The following ADK variants were observed in gnomAD, a reference collection of about 807,000 sequenced individuals.
ADK encodes N6,N6-dimethyladenosine kinase.
In ADK, 24 loss-of-function variants were observed where a neutral mutation model predicts 44.7. The observed-to-expected ratio is 0.54, with a 90% CI of 0.39 to 0.76. The LOEUF is 0.76. ADK is among the 30% of genes least tolerant of loss of function. ADK has a pLI of 0.00. For missense variants in ADK, 321 were observed against 425.1 expected (o/e 0.76, Z 2.15); for synonymous variants, 128 against 142.6 (o/e 0.90, Z 0.73).
intron 9 of ADK, among the ~76,000 whole-genome samples, chr10:74,631,617 C>T (rs1447514676): frequency 1.3e-5 from 2 of 152,014 alleles, no homozygotes; most frequent in Non-Finnish European, 2.9e-5. Flanking sequence ...AATCCAATAC[C>T]ACAGAGTTCA....
intron 4 of ADK, among the ~76,000 whole-genome samples, chr10:74,321,059 T>C (rs1840791044): frequency 6.6e-6 from 1 of 152,154 alleles, no homozygotes; most frequent in Non-Finnish European, 1.5e-5. Context: ...CTTCGTGAGG[T>C]ATTTCTATTT....
chr10:74,659,040 G>A (rs534115807), intron 9 of ADK, among the ~76,000 whole-genome samples: 5 of 151,802 alleles, frequency 3.3e-5, no homozygotes, highest in Admixed American at 6.6e-5. Flanking sequence ...ACATAGGGAG[G>A]CCCATCTCTA....
At chr10:74,556,809 G>A (rs747704451) in intron 7 of ADK, among the ~76,000 whole-genome samples, 2 of 152,164 alleles carry the variant, frequency 1.3e-5, no homozygotes, top group Admixed American at 1.3e-4. Flanking sequence ...TGGTTATATA[G>A]CAGTTTATCT....
intron 4 of ADK, among the ~76,000 whole-genome samples, chr10:74,358,472 T>C (rs188329526): frequency 1.1e-3 from 166 of 152,326 alleles, no homozygotes; most frequent in African/African-American, 3.9e-3. Context: ...GTGAAGAAGT[T>C]TGTGACCAAA....
intron 4 of ADK, among the ~76,000 whole-genome samples, chr10:74,376,728 T>C (rs764823999): frequency 6.6e-6 from 1 of 151,972 alleles, no homozygotes; most frequent in Non-Finnish European, 1.5e-5. Context: ...ATTCAAACAC[T>C]ATATTTGTAC....
chr10:74,303,963 C>T (rs1284640731), intron 3 of ADK, among the ~76,000 whole-genome samples: 2 of 99,506 alleles, frequency 2.0e-5, no homozygotes, highest in African/African-American at 6.4e-5. Flanking sequence ...GAGTGAAACT[C>T]TTGTCTCAAA....
At chr10:74,587,399 T>C (rs1190802127) in intron 7 of ADK, among the ~76,000 whole-genome samples, 2 of 152,252 alleles carry the variant, frequency 1.3e-5, no homozygotes, top group Non-Finnish European at 2.9e-5. Flanking sequence ...TAAGGAGTTG[T>C]ACTTTCAACT....
At chr10:74,386,914 C>G (rs941586601) in intron 4 of ADK, among the ~76,000 whole-genome samples, 1 of 151,546 alleles carries the variant, frequency 6.6e-6, no homozygotes, top group Non-Finnish European at 1.5e-5. Flanking sequence ...TCAGACACAG[C>G]ATGAACCACT....
chr10:74,543,011 C>T (rs1268522579), intron 7 of ADK, among the ~76,000 whole-genome samples: 1 of 151,906 alleles, frequency 6.6e-6, no homozygotes, highest in East Asian at 1.9e-4. Context: ...AGGGATTCTC[C>T]TGCCTCAGCC....
At chr10:74,228,670 A>G (rs936877958) in intron 3 of ADK, among the ~76,000 whole-genome samples, 1 of 152,210 alleles carries the variant, frequency 6.6e-6, no homozygotes, top group African/African-American at 2.4e-5. Context: ...ATCTTTGGAC[A>G]CATCTGCAGT....
chr10:74,300,580 T>C (rs1017226797), intron 3 of ADK, among the ~76,000 whole-genome samples: 4 of 152,068 alleles, frequency 2.6e-5, no homozygotes, highest in Admixed American at 6.6e-5. Context: ...GATTTCACCA[T>C]GTTGACCAGC....
At chr10:74,199,292 T>C (rs1843283682) in intron 1 of ADK, among the ~76,000 whole-genome samples, 1 of 152,190 alleles carries the variant, frequency 6.6e-6, no homozygotes, top group Non-Finnish European at 1.5e-5. Flanking sequence ...ATCGTCTAAG[T>C]AGTGAACATA....
In ADK at chr10:74,658,692, G is replaced by T. The variant is rs185615293; in HGVS notation, c.878-11491G>T. 7.9e-5 allele frequency among the ~76,000 whole-genome samples: 12 copies of T among 152,136 alleles called. No individual in the cohort carries two copies. In the East Asian group the frequency reaches 2.3e-3, roughly 29 times the overall value. On this transcript the variant is annotated intron_variant, in intron 9 of 10. Coordinates refer to ENST00000539909, the MANE Select transcript of ADK (RefSeq NM_006721.4). The stretch of plus-strand genomic sequence containing the variant: ...GATTCTCCTGTCTCAGCCTCCCAAG[G>T]CTCTGGGATTACAGGCATAAATCAC...
chr10:74,255,268 A>C (rs1246913872), intron 3 of ADK, among the ~76,000 whole-genome samples: 1 of 152,146 alleles, frequency 6.6e-6, no homozygotes, highest in Non-Finnish European at 1.5e-5. Flanking sequence ...TTAATCCCCA[A>C]ATCACCAGTG....
intron 3 of ADK, among the ~76,000 whole-genome samples, chr10:74,262,108 C>G (rs1335927226): frequency 6.6e-6 from 1 of 151,978 alleles, no homozygotes; most frequent in Non-Finnish European, 1.5e-5. Flanking sequence ...CACCTGAGGT[C>G]AGGAGTTCAA....
intron 3 of ADK, among the ~76,000 whole-genome samples, chr10:74,303,447 G>A (rs962440858): frequency 6.6e-6 from 1 of 151,988 alleles, no homozygotes; most frequent in African/African-American, 2.4e-5. Flanking sequence ...TTAATATGGA[G>A]CTCTTAAAAA....
chr10:74,399,718 G>T (rs1843644781), intron 6 of ADK, among the ~76,000 whole-genome samples: 1 of 151,736 alleles, frequency 6.6e-6, no homozygotes, highest in Non-Finnish European at 1.5e-5. Context: ...CTTTAGAGGG[G>T]ATTTATGTAC....
intron 4 of ADK, among the ~76,000 whole-genome samples, chr10:74,351,714 G>A (rs1841969435): frequency 1.3e-5 from 2 of 152,168 alleles, no homozygotes; most frequent in South Asian, 4.1e-4. Flanking sequence ...AGCAGCTTCA[G>A]CAGTCTCAGG....
intron 4 of ADK, among the ~76,000 whole-genome samples, chr10:74,392,067 A>G (rs1485709568): frequency 6.6e-6 from 1 of 152,102 alleles, no homozygotes; most frequent in African/African-American, 2.4e-5. Context: ...TTGTTGATAG[A>G]TGTCTGGGTT....
Sources: allele counts gnomAD v4.1 joint callset (sites outside exome capture counted in the v4.1 genomes callset), GRCh38; gene constraint gnomAD v4.1.1; transcripts MANE v1.5; gene names NCBI Gene and HGNC (gene_info 2026-07-23, HGNC 2026-07-21).